Variants in SLC10A7 observed in about 807,000 individuals in gnomAD.
The protein encoded by SLC10A7 is solute carrier family 10 member 7, also known as sodium/bile acid cotransporter 7.
Under a neutral mutation model 43.2 loss-of-function variants are expected in SLC10A7, and 29 were observed. That is an observed-to-expected ratio of 0.67 (90% CI 0.50 to 0.92). The LOEUF (loss-of-function observed/expected upper bound fraction) is 0.92. SLC10A7 is among the 40% of genes least tolerant of loss of function. The pLI, the probability that SLC10A7 is intolerant of heterozygous loss-of-function variation, is 0.00. For synonymous variants in SLC10A7, 152 were observed against 144.8 expected (o/e 1.05, Z -0.35); for missense variants, 295 against 403.2 (o/e 0.73, Z 2.30).
intron 4 of SLC10A7, among the ~76,000 whole-genome samples, chr4:146,492,635 G>A (rs1379185481): frequency 6.6e-6 from 1 of 152,202 alleles, no homozygotes; most frequent in Non-Finnish European, 1.5e-5. Flanking sequence ...CTCCCAAAGT[G>A]CTGGGATTAC....
At chr4:146,488,894 T>C (rs967018359) in intron 4 of SLC10A7, among the ~76,000 whole-genome samples, 1 of 152,232 alleles carries the variant, frequency 6.6e-6, no homozygotes. Context: ...AATACACTTA[T>C]AAGGCTAGAC....
At chr4:146,417,908 G>A (rs1728685637) in intron 5 of SLC10A7, among the ~76,000 whole-genome samples, 1 of 152,030 alleles carries the variant, frequency 6.6e-6, no homozygotes, top group Non-Finnish European at 1.5e-5. Flanking sequence ...TTGACAGCAA[G>A]GTGAAAGGTT....
chr4:146,467,454 AACACACAC>A (rs35773390), intron 4 of SLC10A7, among the ~76,000 whole-genome samples: 3,199 of 140,744 alleles, frequency 0.023, 52 homozygotes, highest in African/African-American at 0.026. Context: ...AGCAGGTTTA[AACACACAC>A]ACACACACAC....
intron 11 of SLC10A7, chr4:146,256,903 A>G (rs1410233205): frequency 2.6e-6 from 4 of 1,536,396 alleles, no homozygotes; most frequent in East Asian, 2.4e-5. Context: ...GGATTATTCA[A>G]GTTAGCCAGT....
chr4:146,305,880 C>T, intron 7 of SLC10A7, 46 bp downstream of exon 7: 2 of 1,485,172 alleles, frequency 1.3e-6, no homozygotes, highest in Non-Finnish European at 9.2e-7. Context: ...TAAGATTTCA[C>T]AATTTGATCC....
chr4:146,306,366 A>G (rs1234878527), intron 6 of SLC10A7, among the ~76,000 whole-genome samples: 2 of 152,146 alleles, frequency 1.3e-5, no homozygotes, highest in African/African-American at 4.8e-5. Flanking sequence ...GTCTGTAGAT[A>G]TCTAAAATAA....
At chr4:146,323,928 C>A (rs1380931605) in intron 6 of SLC10A7, among the ~76,000 whole-genome samples, 4 of 152,156 alleles carry the variant, frequency 2.6e-5, no homozygotes, top group Non-Finnish European at 5.9e-5. Context: ...AAAACCCCAT[C>A]ATCTGAGCCC....
intron 10 of SLC10A7, among the ~76,000 whole-genome samples, chr4:146,275,332 G>A (rs771655658): frequency 6.6e-6 from 1 of 152,064 alleles, no homozygotes; most frequent in African/African-American, 2.4e-5. Flanking sequence ...GAATAGTAGA[G>A]CTAGAAGAGC....
chr4:146,382,424 G>A (rs1737695150), intron 5 of SLC10A7, among the ~76,000 whole-genome samples: 1 of 152,110 alleles, frequency 6.6e-6, no homozygotes, highest in African/African-American at 2.4e-5. Context: ...CAGGGGCTGG[G>A]AGAAGGGAGG....
chr4:146,508,171 C>T (rs1260339134), intron 3 of SLC10A7, among the ~76,000 whole-genome samples: 1 of 152,104 alleles, frequency 6.6e-6, no homozygotes, highest in Non-Finnish European at 1.5e-5. Context: ...TACGAGTACC[C>T]AACCTTTGCT....
At position 146,305,964 on chromosome 4, in the gene SLC10A7, GC is replaced by G; in HGVS notation, c.516del (p.Gln172HisfsTer4). On this transcript the variant is annotated frameshift_variant, in exon 7 of 12. Transcript: ENST00000335472. LOFTEE classifies it high-confidence loss of function. ...SSVPFTSIFS[Q>X]LFMTVVVPLI... ...AGAGGAACCACAACAGTCATAAAAA[GC>G]TGAGAAAAAATAGATGTGAAAGGCA... 6.2e-7 allele frequency: 1 copy of G among 1,610,358 alleles called. No homozygotes were observed. The highest frequency in any genetic ancestry group is 8.5e-7 in the Non-Finnish European group (1 of 1,178,524).
At chr4:146,413,126 A>G (rs1728318053) in intron 5 of SLC10A7, among the ~76,000 whole-genome samples, 1 of 152,144 alleles carries the variant, frequency 6.6e-6, no homozygotes, top group South Asian at 2.1e-4. Flanking sequence ...ATATGTGGGA[A>G]AACTTCATTT....
intron 5 of SLC10A7, among the ~76,000 whole-genome samples, chr4:146,356,249 A>T (rs1356963773): frequency 6.6e-6 from 1 of 152,046 alleles, no homozygotes; most frequent in East Asian, 1.9e-4. Flanking sequence ...TACATTTATT[A>T]CGCACATGAA....
At chr4:146,359,781 G>T (rs529273695) in intron 5 of SLC10A7, among the ~76,000 whole-genome samples, 2 of 152,086 alleles carry the variant, frequency 1.3e-5, no homozygotes, top group Non-Finnish European at 2.9e-5. Flanking sequence ...ATAATCAGAA[G>T]AATTTCCATT....
At chr4:146,407,180 A>G (rs1014997558) in intron 5 of SLC10A7, among the ~76,000 whole-genome samples, 1 of 152,218 alleles carries the variant, frequency 6.6e-6, no homozygotes, top group African/African-American at 2.4e-5. Context: ...GAGAAAAGTC[A>G]ACTTTCCAAC....
rs191814681 is a variant in SLC10A7, at chr4:146,497,655, C to T, written c.396+6194G>A. On this transcript the variant is annotated intron_variant, in intron 4 of 11. Coordinates refer to ENST00000335472, the MANE Select transcript of SLC10A7 (RefSeq NM_001029998.6). ...AGATAAAAGAAGACAATGCCTCTTT[C>T]CCAAACCCTACCTTTCTTGCTTTTT... is the stretch of plus-strand genomic sequence containing the variant. Among the ~76,000 whole-genome samples the T allele has an allele frequency of 2.0e-3, 311 of 152,284 alleles. 1 individual carries two copies. Among genetic ancestry groups the T allele is most frequent in the Non-Finnish European group, 3.4e-3 (229 of 68,010 alleles).
chr4:146,334,376 T>C (rs1383808760), intron 5 of SLC10A7, among the ~76,000 whole-genome samples: 1 of 152,052 alleles, frequency 6.6e-6, no homozygotes, highest in South Asian at 2.1e-4. Flanking sequence ...ACAATTTCAA[T>C]AGATGACTAG....
chr4:146,491,947 G>A (rs1200013541), intron 4 of SLC10A7, among the ~76,000 whole-genome samples: 1 of 152,154 alleles, frequency 6.6e-6, no homozygotes, highest in Non-Finnish European at 1.5e-5. Context: ...GCCGGGTGCG[G>A]TGGGTCACGC....
intron 5 of SLC10A7, chr4:146,442,117 A>G (rs998536156): frequency 8.2e-6 from 8 of 973,066 alleles, no homozygotes; most frequent in Middle Eastern, 5.2e-4. Flanking sequence ...TAGTTTCTCA[A>G]TCTTTCATAA....
Sources: gnomAD v4.1 joint callset for allele counts (sites outside exome capture counted in the v4.1 genomes callset) on GRCh38, gnomAD v4.1.1 for gene constraint, MANE v1.5 for transcripts, NCBI Gene and HGNC (gene_info 2026-07-23, HGNC 2026-07-21) for gene names.